The following INPP4B variants were observed in gnomAD, a reference collection of about 807,000 sequenced individuals.
INPP4B encodes the protein inositol polyphosphate 4-phosphatase type II.
INPP4B carries 55 observed loss-of-function variants against 122.5 expected under a neutral mutation model. The ratio of observed to expected loss-of-function variants is 0.45; its 90% CI spans 0.36 to 0.56. The LOEUF (loss-of-function observed/expected upper bound fraction) is 0.56, where lower values mean the gene tolerates loss of function less well. Ranked by LOEUF, INPP4B falls within the 20% of genes least tolerant of loss-of-function variation. The pLI, the probability that INPP4B is intolerant of heterozygous loss-of-function variation, is 0.00. For missense variants in INPP4B, 1,000 were observed against 1,097.7 expected (o/e 0.91, Z 1.26); for synonymous variants, 403 against 388.7 (o/e 1.04, Z -0.43).
chr4:142,042,494 T>C (rs1027808392), intron 25 of INPP4B, among the ~76,000 whole-genome samples: 3 of 149,426 alleles, frequency 2.0e-5, no homozygotes, highest in Admixed American at 6.6e-5. Context: ...AACCCCCTTT[T>C]CCACTGCCAA....
chr4:142,375,159 T>G (rs1791387384), intron 7 of INPP4B, among the ~76,000 whole-genome samples: 1 of 150,298 alleles, frequency 6.7e-6, no homozygotes, highest in Non-Finnish European at 1.5e-5. Flanking sequence ...AATAAATCCA[T>G]TTTTTTTTCA....
intron 9 of INPP4B, among the ~76,000 whole-genome samples, chr4:142,291,021 G>T (rs1465655559): frequency 6.6e-6 from 1 of 152,034 alleles, no homozygotes; most frequent in South Asian, 2.1e-4. Flanking sequence ...TCTGCTCTTA[G>T]AAGTCCCAAT....
chr4:142,691,467 G>C (rs1335445949), intron 2 of INPP4B, among the ~76,000 whole-genome samples: 2 of 151,732 alleles, frequency 1.3e-5, no homozygotes, highest in Admixed American at 6.6e-5. Flanking sequence ...GTCAAACTAT[G>C]ATGTACCTTT....
rs377392011 is a variant in INPP4B at position 142,278,058 on chromosome 4, A to AAAT, written c.504-7287_504-7285dup. On this transcript the variant is annotated intron_variant, in intron 9 of 25. Coordinates refer to ENST00000262992, the MANE Select transcript of INPP4B (RefSeq NM_001101669.3). Reference sequence around the variant, plus strand: ...ATCTGCTCCTCAAACACCTATTTAAAAATAATAATAATAAATGGATGGCCA... The same window carrying AAAT: ...ATCTGCTCCTCAAACACCTATTTAAAAATAATAATAATAATAAATGGATGGCCA... 6.3e-3 allele frequency among the ~76,000 whole-genome samples: 957 copies of AAAT among 151,912 alleles called. 2 individuals carry two copies. Among genetic ancestry groups the AAAT allele is most frequent in the Non-Finnish European group, 0.011 (715 of 67,864 alleles).
intron 25 of INPP4B, among the ~76,000 whole-genome samples, chr4:142,064,697 T>G (rs544493311): frequency 5.9e-5 from 9 of 152,332 alleles, no homozygotes; most frequent in Admixed American, 2.6e-4. Flanking sequence ...TCTAGTCTAT[T>G]TTCTTCAATA....
intron 25 of INPP4B, among the ~76,000 whole-genome samples, chr4:142,051,917 AT>A (rs1210965490): frequency 6.6e-6 from 1 of 152,008 alleles, no homozygotes; most frequent in Non-Finnish European, 1.5e-5. Flanking sequence ...TCTCCTACAA[AT>A]CTGTGGGTCC....
At chr4:142,622,852 T>C (rs1052099721) in intron 2 of INPP4B, among the ~76,000 whole-genome samples, 2 of 152,030 alleles carry the variant, frequency 1.3e-5, no homozygotes, top group African/African-American at 4.8e-5. Flanking sequence ...GTTATTGAGA[T>C]GTAATTCACA....
chr4:142,595,342 A>G (rs1408117506), intron 2 of INPP4B, among the ~76,000 whole-genome samples: 2 of 152,022 alleles, frequency 1.3e-5, no homozygotes, highest in African/African-American at 2.4e-5. Flanking sequence ...TTCTACAGCT[A>G]CCAATTAATA....
intron 7 of INPP4B, among the ~76,000 whole-genome samples, chr4:142,341,953 T>A (rs142814285): frequency 2.4e-4 from 37 of 152,278 alleles, no homozygotes; most frequent in African/African-American, 8.7e-4. Flanking sequence ...CATAGCCCGT[T>A]CAACACCTTG....
Position 142,244,287 on chromosome 4 carries a change from C to CT in INPP4B, c.689-6277dup, listed in dbSNP as rs56945961. Among the ~76,000 whole-genome samples the CT allele has an allele frequency of 7.7e-3, 570 of 73,748 alleles. 44 individuals are homozygous for CT. Among genetic ancestry groups the CT allele is most frequent in the Middle Eastern group, 0.017 (2 of 120 alleles). The allele number at this position is 73,748 out of a possible 152,430, so 48.4% of individuals were successfully genotyped here. ...ATGGTATTCCATGGTGTATATGTGC[C>CT]TTTTTTTTTTTTTTTTTTTTTTTTT... On this transcript the variant is annotated intron_variant, in intron 11 of 25. Coordinates refer to ENST00000262992, the MANE Select transcript of INPP4B (RefSeq NM_001101669.3).
At chr4:142,841,274 C>G (rs914365258) in intron 1 of INPP4B, among the ~76,000 whole-genome samples, 3 of 152,052 alleles carry the variant, frequency 2.0e-5, no homozygotes, top group African/African-American at 4.8e-5. Flanking sequence ...AATTAAAGAT[C>G]CCACTGGTTT....
Position 142,487,918 on chromosome 4 carries a change from C to T in INPP4B, c.-190-25192G>A, listed in dbSNP as rs1299146724. 6.6e-5 allele frequency among the ~76,000 whole-genome samples: 10 copies of T among 151,952 alleles called. No individual in the cohort carries two copies. In the East Asian group the frequency reaches 1.7e-3, roughly 26 times the overall value. ...ATTGTGATGGCTTTTACTTCTTTTT[C>T]TCATCTTTTTGCATTGATTAGGATT... On this transcript the variant is annotated intron_variant, in intron 2 of 25. Transcript: ENST00000262992.
chr4:142,742,071 G>A (rs1767981344), intron 1 of INPP4B, among the ~76,000 whole-genome samples: 2 of 151,900 alleles, frequency 1.3e-5, no homozygotes, highest in Admixed American at 1.3e-4. Flanking sequence ...TCTTCTTACA[G>A]CCTGAAATAA....
At chr4:142,238,730 C>T (rs906695557) in intron 11 of INPP4B, among the ~76,000 whole-genome samples, 2 of 151,986 alleles carry the variant, frequency 1.3e-5, no homozygotes, top group South Asian at 2.1e-4. Flanking sequence ...GGTCATGTAA[C>T]CACAATTTTA....
chr4:142,679,206 C>A (rs1470043219), intron 2 of INPP4B, among the ~76,000 whole-genome samples: 12 of 151,812 alleles, frequency 7.9e-5, no homozygotes, highest in Non-Finnish European at 1.5e-5. Flanking sequence ...TATACACCTG[C>A]ATGTGATTTC....
At chr4:142,603,419 T>G (rs1245917314) in intron 2 of INPP4B, among the ~76,000 whole-genome samples, 2 of 149,462 alleles carry the variant, frequency 1.3e-5, no homozygotes, top group East Asian at 4.0e-4. Context: ...ATACTAAGGA[T>G]CAACAAAACT....
chr4:142,091,366 T>C (rs1177015429), intron 23 of INPP4B, among the ~76,000 whole-genome samples: 1 of 152,108 alleles, frequency 6.6e-6, no homozygotes, highest in Non-Finnish European at 1.5e-5. Flanking sequence ...AACTGCAAAA[T>C]AAGGGCAAGA....
intron 3 of INPP4B, among the ~76,000 whole-genome samples, chr4:142,436,809 T>A (rs369726953): frequency 1.5e-4 from 21 of 138,882 alleles, no homozygotes; most frequent in South Asian, 4.6e-4. Context: ...AAAGAATCAA[T>A]AAAAAAAAAA....
At chr4:142,488,522 T>A (rs1020588307) in intron 2 of INPP4B, among the ~76,000 whole-genome samples, 1 of 152,242 alleles carries the variant, frequency 6.6e-6, no homozygotes, top group Non-Finnish European at 1.5e-5. Flanking sequence ...GTTTTCTCTA[T>A]GAGAATGTTT....
Sources: gnomAD v4.1 joint callset for allele counts (sites outside exome capture counted in the v4.1 genomes callset) on GRCh38, gnomAD v4.1.1 for gene constraint, MANE v1.5 for transcripts, NCBI Gene and HGNC (gene_info 2026-07-23, HGNC 2026-07-21) for gene names.